DLG5: variants seen among roughly 807,000 people sequenced by gnomAD.
DLG5 encodes the protein disks large homolog 5.
DLG5 carries 48 observed loss-of-function variants against 189.8 expected under a neutral mutation model. The ratio of observed to expected loss-of-function variants is 0.25; its 90% confidence interval spans 0.20 to 0.32. DLG5 has a LOEUF of 0.32. Among genes scored for constraint, DLG5 ranks in the 10% least tolerant of loss-of-function variants. The pLI, the probability that DLG5 is intolerant of heterozygous loss-of-function variation, is 1.00. For missense variants in DLG5, 2,160 were observed against 2,544.7 expected, an observed-to-expected ratio of 0.85 and a Z score of 3.25; for synonymous variants, 1,016 against 1,054.1, an observed-to-expected ratio of 0.96 and a Z score of 0.70.
chr10:77,883,923 T>C (rs1845361900), intron 1 of DLG5, among the ~76,000 whole-genome samples: 1 of 152,168 alleles, frequency 6.6e-6, no homozygotes, highest in South Asian at 2.1e-4. Flanking sequence ...GGTCTCAAAC[T>C]CCTGACCTCA....
At position 77,811,042 on chromosome 10, in the gene DLG5, C is replaced by A; in HGVS notation, c.4463+52G>T. ...CACGCCACTTGGAGAATGTGCTCAG[C>A]CCCACCCAGCCGAAGCGGACACAGG... On this transcript the variant is annotated intron_variant, in intron 23 of 31. Coordinates refer to ENST00000372391, the MANE Select transcript of DLG5 (RefSeq NM_004747.4). The A allele has an allele frequency of 1.9e-6, 3 of 1,578,040 alleles. No individual in the cohort carries two copies. The South Asian group carries it at 3.5e-5, about 19-fold the overall frequency.
Position 77,796,210 on chromosome 10 carries a change from A to G in DLG5, c.5309-22T>C, listed in dbSNP as rs1199364738. ...ACCTCTGCAATGCACAGACACAGGA[A>G]TCAGGGAGCCCCAGGCCCTGCTGAG... On this transcript the variant is annotated intron_variant, in intron 28 of 31. Coordinates refer to ENST00000372391, the MANE Select transcript of DLG5 (RefSeq NM_004747.4). The surrounding 1 kb of genome is among the most constrained non-coding windows in gnomAD (Gnocchi z 5.2). 6 of 1,613,784 alleles carry G rather than the reference A, an allele frequency of 3.7e-6. No individual in the cohort carries two copies. Among genetic ancestry groups the G allele is most frequent in the Non-Finnish European group, 5.1e-6 (6 of 1,180,032 alleles).
At chr10:77,827,468 C>T (rs1215202096) in intron 13 of DLG5, among the ~76,000 whole-genome samples, 1 of 152,182 alleles carries the variant, frequency 6.6e-6, no homozygotes, top group South Asian at 2.1e-4. Flanking sequence ...TCAGGTGATC[C>T]ACCCACCTCG....
chr10:77,843,638 C>T lies in DLG5; in HGVS notation c.933G>A (p.Glu311=). The T allele has an allele frequency of 6.2e-7, 1 of 1,613,878 alleles. No homozygotes were observed. Among genetic ancestry groups the T allele is most frequent in the Non-Finnish European group, 8.5e-7 (1 of 1,180,008 alleles). The part of the protein sequence containing the change: ...KLYDTAMDKL[E]VVKKDYDALR... ...GGGCGTCATAGTCCTTCTTGACCACCTCCAACTTGTCCATGGCCGTGTCAT... is the reference window on the plus strand; with the variant it reads ...GGGCGTCATAGTCCTTCTTGACCACTTCCAACTTGTCCATGGCCGTGTCAT... Residue 311 remains glutamate, a synonymous_variant, in exon 6 of 32, where the codon GAG becomes GAA. Transcript: ENST00000372391.
At chr10:77,834,934 C>A (rs940082101) in intron 8 of DLG5, among the ~76,000 whole-genome samples, 1 of 152,156 alleles carries the variant, frequency 6.6e-6, no homozygotes, top group African/African-American at 2.4e-5. Context: ...CCCTGACAAA[C>A]CACAAGAAAT....
intron 9 of DLG5, among the ~76,000 whole-genome samples, chr10:77,833,531 T>TA (rs1362662204): frequency 6.8e-6 from 1 of 146,630 alleles, no homozygotes; most frequent in Non-Finnish European, 1.5e-5. Context: ...AGCAGGTACT[T>TA]AAAAAATCTC....
chr10:77,936,157 T>G, the DLG5 span, among the ~76,000 whole-genome samples: 2 of 152,106 alleles, frequency 1.3e-5, no homozygotes, highest in Non-Finnish European at 2.9e-5. Context: ...ACAGAGAATC[T>G]GGCTGGGCAT....
chr10:77,806,718 A>T, intron 26 of DLG5, 40 bp downstream of exon 26: 3 of 1,333,650 alleles, frequency 2.2e-6, no homozygotes, highest in Non-Finnish European at 2.1e-6. Context: ...GCCCTCGGCG[A>T]CCCCTGCCCC....
rs756142567 is a variant in DLG5 at position 77,809,637 on chromosome 10, C to G, written c.4557G>C (p.Gly1519=). The change falls in exon 24 of 32, where the codon GGG becomes GGC. Residue 1519 remains glycine, a synonymous_variant. Coordinates refer to ENST00000372391, the MANE Select transcript of DLG5 (RefSeq NM_004747.4). ...CGGCCACAAACACCCCATGCAGGTT[C>G]CCACCACACAAGTGCACCCCAAGCT... The part of the protein sequence containing the change: ...QLELGVHLCG[G]NLHGVFVAEV... The G allele has an allele frequency of 2.5e-6, 4 of 1,614,206 alleles. 1 individual carries two copies. The South Asian group carries it at 4.4e-5, about 18-fold the overall frequency.
chr10:77,843,339 T>C, intron 6 of DLG5, 108 bp downstream of exon 6: 1 of 1,396,098 alleles, frequency 7.2e-7, no homozygotes, highest in Non-Finnish European at 9.7e-7. Context: ...GTCAGAAGCA[T>C]TTTTTGATTG....
chr10:77,804,228 T>G (rs1400752363), intron 27 of DLG5, among the ~76,000 whole-genome samples: 11 of 152,176 alleles, frequency 7.2e-5, no homozygotes, highest in Non-Finnish European at 1.2e-4. Context: ...AGTAAATATT[T>G]TAGGCTTTGA....
chr10:77,872,799 G>A (rs1393492609), intron 1 of DLG5, among the ~76,000 whole-genome samples: 3 of 151,960 alleles, frequency 2.0e-5, no homozygotes, highest in African/African-American at 7.3e-5. Flanking sequence ...CTGGGGTTTC[G>A]CCATCAAATT....
In DLG5 at chr10:77,820,003, G is replaced by T; in HGVS notation, c.3418C>A (p.Pro1140Thr). Residue 1140 changes from proline (P) to threonine (T), a missense_variant, in exon 16 of 32, where the codon CCG (proline) becomes ACG (threonine). Pro to Thr is a conservative substitution (Grantham distance 38). Coordinates refer to ENST00000372391, the MANE Select transcript of DLG5 (RefSeq NM_004747.4). ...AQFLEEQKCV[P>T]ASGELSPELQ... is the part of the protein sequence containing the mutation. Reference sequence around the variant, plus strand: ...TCCGGGGAGAGTTCTCCACTGGCCGGGACACACTTCTGTTCCTGCAGATGC... The same window carrying T: ...TCCGGGGAGAGTTCTCCACTGGCCGTGACACACTTCTGTTCCTGCAGATGC... The T allele has an allele frequency of 2.5e-6, 4 of 1,613,392 alleles. No individual in the cohort carries two copies. Among genetic ancestry groups the T allele is most frequent in the Non-Finnish European group, 3.4e-6 (4 of 1,179,938 alleles).
chr10:77,841,777 T>C (rs1262328813), intron 7 of DLG5, 104 bp downstream of exon 7: 13 of 1,358,616 alleles, frequency 9.6e-6, no homozygotes, highest in African/African-American at 1.4e-5. Context: ...AGCCATTTAC[T>C]CCAACTCAGG....
Position 77,819,937 on chromosome 10 carries a change from G to T in DLG5, c.3484C>A (p.Arg1162=). Residue 1162 remains arginine, a synonymous_variant, in exon 16 of 32, where the codon CGG becomes AGG. Transcript: ENST00000372391. ...GGGTATAGCGGGGGGTTGCTGTGCCGGCTGGAATGCCCAGGCGAGTAAGGT... is the reference window on the plus strand; with the variant it reads ...GGGTATAGCGGGGGGTTGCTGTGCCTGCTGGAATGCCCAGGCGAGTAAGGT... ...WAPYSPGHSS[R]HSNPPLYPSR... is the part of the protein sequence containing the mutation. 3 of 1,607,428 alleles carry T rather than the reference G, an allele frequency of 1.9e-6. No individual in the cohort carries two copies. The highest frequency in any genetic ancestry group is 2.5e-6 in the Non-Finnish European group (3 of 1,176,922).
rs59102694 is a variant in DLG5, at chr10:77,825,374, C to CCACACACACACACACACACACACACA, written c.2290-924_2290-899dup. ...ACAACATGTGTTTAACCACACACAA[C>CCACACACACACACACACACACACACA]CACACACACACACACACACACACAC... On this transcript the variant is annotated intron_variant, in intron 13 of 31. Coordinates refer to ENST00000372391, the MANE Select transcript of DLG5 (RefSeq NM_004747.4). 1.6e-3 allele frequency among the ~76,000 whole-genome samples: 206 copies of CCACACACACACACACACACACACACA among 130,884 alleles called. 4 individuals are homozygous for CCACACACACACACACACACACACACA. The highest frequency in any genetic ancestry group is 2.6e-3 in the Non-Finnish European group (160 of 62,096). The allele number at this position is 130,884 out of a possible 152,430, so 85.9% of individuals were successfully genotyped here.
At chr10:77,823,123 C>T (rs1248631) in intron 14 of DLG5, among the ~76,000 whole-genome samples, 38,774 of 152,126 alleles carry the variant, frequency 0.25, 5,519 homozygotes, top group Admixed American at 0.39. Context: ...ACTACACTAA[C>T]GCAAAATGCC....
At chr10:77,856,700 C>A (rs1255452416) in intron 3 of DLG5, 30 bp downstream of exon 3, 7 of 1,603,682 alleles carry the variant, frequency 4.4e-6, no homozygotes, top group Non-Finnish European at 6.0e-6. Context: ...AACCATGGGG[C>A]CTGGGCAGGG....
chr10:77,801,868 G>A (rs1203627606), intron 27 of DLG5, among the ~76,000 whole-genome samples: 6 of 152,168 alleles, frequency 3.9e-5, no homozygotes, highest in Admixed American at 6.5e-5. Context: ...CAAAAGAAGC[G>A]ATGATTCAGT....
Sources: allele counts gnomAD v4.1 joint callset (sites outside exome capture counted in the v4.1 genomes callset), GRCh38; gene constraint gnomAD v4.1.1; non-coding constraint Gnocchi (gnomAD v3.1); transcripts MANE v1.5; gene names NCBI Gene and HGNC (gene_info 2026-07-23, HGNC 2026-07-21).